The following TNFRSF11A variants were observed in gnomAD, a reference collection of about 807,000 sequenced individuals.
The protein encoded by TNFRSF11A is tumor necrosis factor receptor superfamily member 11A.
Under a neutral mutation model 55.7 loss-of-function variants are expected in TNFRSF11A, and 32 were observed. The ratio of observed to expected loss-of-function variants is 0.57; its 90% CI spans 0.43 to 0.77. The LOEUF (loss-of-function observed/expected upper bound fraction) is 0.77. Among genes scored for constraint, TNFRSF11A ranks in the 30% least tolerant of loss-of-function variants. The pLI is 0.00. For missense variants in TNFRSF11A, 753 were observed against 809.8 expected, an observed-to-expected ratio of 0.93 and a Z score of 0.85; for synonymous variants, 311 against 331.0, an observed-to-expected ratio of 0.94 and a Z score of 0.65.
intron 1 of TNFRSF11A, among the ~76,000 whole-genome samples, chr18:62,334,824 T>C (rs2046206064): frequency 6.6e-6 from 1 of 152,152 alleles, no homozygotes; most frequent in South Asian, 2.1e-4. Context: ...AAGCTTTTAC[T>C]TGGAGTGAGA....
chr18:62,358,411 G>C (rs1909432466), intron 5 of TNFRSF11A, 70 bp downstream of exon 5: 1 of 1,458,780 alleles, frequency 6.9e-7, no homozygotes, highest in South Asian at 1.1e-5. Flanking sequence ...TGTCTCGTCT[G>C]GGTTGAAAAC....
rs1164730525 is a variant in TNFRSF11A, at chr18:62,369,222, A to T, written c.1305A>T (p.Ala435=). Residue 435 remains alanine (A), a synonymous_variant, in exon 9 of 10, where the codon GCA becomes GCT. Transcript: ENST00000586569. ...ACAGTGGCCATTGCCCGCACTGGGC[A>T]GCCAGCCCCAGCCCCAACTGGGCAG... is the stretch of plus-strand genomic sequence containing the variant. The part of the protein sequence containing the change: ...EVDSGHCPHW[A]ASPSPNWADV... 1.2e-6 allele frequency: 2 copies of T among 1,613,790 alleles called. No individual in the cohort carries two copies. The highest frequency in any genetic ancestry group is 4.5e-5 in the East Asian group (2 of 44,890).
chr18:62,332,688 G>T (rs1036628874), intron 1 of TNFRSF11A, among the ~76,000 whole-genome samples: 4 of 151,898 alleles, frequency 2.6e-5, no homozygotes, highest in African/African-American at 9.7e-5. Context: ...CCTTCCCCAG[G>T]GTTATTCATT....
chr18:62,346,610 T>A (rs1479078672), intron 1 of TNFRSF11A, among the ~76,000 whole-genome samples: 3 of 152,142 alleles, frequency 2.0e-5, no homozygotes, highest in Non-Finnish European at 4.4e-5. Flanking sequence ...ATCACCTCAA[T>A]AACACACTGG....
intron 4 of TNFRSF11A, 127 bp from the exon 5 acceptor site, chr18:62,358,121 G>A (rs1909405807): frequency 1.2e-6 from 1 of 844,232 alleles, no homozygotes. Flanking sequence ...AGGGGTGGGA[G>A]GTGAGGGCAG....
intron 1 of TNFRSF11A, among the ~76,000 whole-genome samples, chr18:62,334,360 C>T (rs1223057190): frequency 6.6e-6 from 1 of 152,112 alleles, no homozygotes; most frequent in Non-Finnish European, 1.5e-5. Context: ...GCCCCACACC[C>T]CAGAGTTAGA....
intron 6 of TNFRSF11A, among the ~76,000 whole-genome samples, chr18:62,361,217 G>T (rs1284574174): frequency 1.3e-5 from 2 of 152,156 alleles, no homozygotes; most frequent in Non-Finnish European, 2.9e-5. Flanking sequence ...TGGTGTCGGG[G>T]ATGAAAACTA....
chr18:62,365,676 C>CT (rs1402309806), intron 7 of TNFRSF11A, among the ~76,000 whole-genome samples: 1 of 152,244 alleles, frequency 6.6e-6, no homozygotes, highest in Non-Finnish European at 1.5e-5. Context: ...AGCAGCACCT[C>CT]TGACAGCCCC....
chr18:62,332,884 G>A (rs369683678), intron 1 of TNFRSF11A, among the ~76,000 whole-genome samples: 2 of 152,216 alleles, frequency 1.3e-5, no homozygotes, highest in African/African-American at 4.8e-5. Flanking sequence ...TGATGGGGAA[G>A]GTCGGATGTC....
At position 62,389,099 on chromosome 18, in the gene TNFRSF11A, CTG is replaced by C. The variant is rs1369563925; in HGVS notation, c.*4067_*4068del. On this transcript the variant is annotated 3_prime_UTR_variant, in exon 10 of 10. Coordinates refer to ENST00000586569, the MANE Select transcript of TNFRSF11A (RefSeq NM_003839.4). ...CAAAGCATTCAAAGCCCTAAACACT[CTG>C]TTGGTGAATCATCATGTTTATTGAG... 6.6e-6 allele frequency: 1 copy of C among 152,308 alleles called. No homozygotes were observed. The highest frequency in any genetic ancestry group is 1.5e-5 in the Non-Finnish European group (1 of 68,118). The allele number at this position is 152,308 out of a possible 1,614,324, so 9.4% of individuals were successfully genotyped here. A position where few individuals can be genotyped will look rare whatever the true frequency, so the allele number is the denominator to read the frequency against.
In TNFRSF11A at chr18:62,385,117, C is replaced by A; in HGVS notation, c.*83C>A. 7.4e-7 allele frequency: 1 copy of A among 1,354,102 alleles called. No individual in the cohort carries two copies. Among genetic ancestry groups the A allele is most frequent in the South Asian group, 1.7e-5 (1 of 59,284 alleles). The allele number at this position is 1,354,102 out of a possible 1,614,324, so 83.9% of individuals were successfully genotyped here. Reference sequence around the variant, plus strand: ...GCAGCCTCTGCCCCAGCCCCGGCCACCCAGGGATCGATCGGTACAGTCGAG... The same window carrying A: ...GCAGCCTCTGCCCCAGCCCCGGCCAACCAGGGATCGATCGGTACAGTCGAG... On this transcript the variant is annotated 3_prime_UTR_variant, in exon 10 of 10. Coordinates refer to ENST00000586569, the MANE Select transcript of TNFRSF11A (RefSeq NM_003839.4).
At chr18:62,344,799 A>C (rs1413685641) in intron 1 of TNFRSF11A, among the ~76,000 whole-genome samples, 2 of 152,210 alleles carry the variant, frequency 1.3e-5, no homozygotes, top group East Asian at 3.8e-4. Context: ...GAGAGGTCAG[A>C]CTGGGAGGGG....
intron 1 of TNFRSF11A, among the ~76,000 whole-genome samples, chr18:62,338,957 CT>C (rs1352718013): frequency 6.6e-6 from 1 of 152,158 alleles, no homozygotes; most frequent in East Asian, 1.9e-4. Flanking sequence ...TCCTGGCCTC[CT>C]GCAGATTTTG....
intron 9 of TNFRSF11A, among the ~76,000 whole-genome samples, chr18:62,379,266 C>T (rs1373090250): frequency 6.6e-6 from 1 of 152,170 alleles, no homozygotes; most frequent in Non-Finnish European, 1.5e-5. Context: ...GATTAACCCA[C>T]ACCCGCCCAG....
intron 9 of TNFRSF11A, among the ~76,000 whole-genome samples, chr18:62,384,187 A>G (rs1019629997): frequency 3.9e-5 from 6 of 151,928 alleles, no homozygotes; most frequent in African/African-American, 1.5e-4. Flanking sequence ...CTCACAAGCA[A>G]ATGGTAAAGC....
chr18:62,377,161 C>T (rs1445892936), intron 9 of TNFRSF11A, among the ~76,000 whole-genome samples: 1 of 152,150 alleles, frequency 6.6e-6, no homozygotes, highest in Non-Finnish European at 1.5e-5. Context: ...GAGAGTCGCC[C>T]GCCTCGGCCT....
chr18:62,369,294 C>T lies in TNFRSF11A; in HGVS notation c.1377C>T (p.Pro459=). 2 of 1,611,676 alleles carry T rather than the reference C, an allele frequency of 1.2e-6. No individual in the cohort carries two copies. Among genetic ancestry groups the T allele is most frequent in the African/African-American group, 1.3e-5 (1 of 75,014 alleles). The part of the protein sequence containing the change: ...CRNPPGEDCE[P]LVGSPKRGPL... ...ACCCTCCTGGGGAGGACTGTGAACCCCTCGTGGGTTCCCCAAAACGTGGAC... is the reference window on the plus strand; with the variant it reads ...ACCCTCCTGGGGAGGACTGTGAACCTCTCGTGGGTTCCCCAAAACGTGGAC... The change falls in exon 9 of 10, where the codon CCC becomes CCT. Residue 459 remains proline (P), a synonymous_variant. Transcript: ENST00000586569.
At position 62,325,506 on chromosome 18, in the gene TNFRSF11A, A is replaced by G; in HGVS notation, c.75+79A>G. On this transcript the variant is annotated intron_variant, in intron 1 of 9. Coordinates refer to ENST00000586569, the MANE Select transcript of TNFRSF11A (RefSeq NM_003839.4). This position sits in a 1 kb window ranked among gnomAD's most constrained non-coding sequence, Gnocchi z 4.7. ...CCCGGGAAGGGCCGGGGCCGGCGGCATCCTGGCTCCTCCGCCTTCCGAGAG... is the reference window on the plus strand; with the variant it reads ...CCCGGGAAGGGCCGGGGCCGGCGGCGTCCTGGCTCCTCCGCCTTCCGAGAG... 1.0e-6 allele frequency: 1 copy of G among 972,012 alleles called. No individual in the cohort carries two copies. Among genetic ancestry groups the G allele is most frequent in the South Asian group, 2.7e-5 (1 of 36,684 alleles). 60.2% of individuals were successfully genotyped at this position (972,012 alleles called of 1,614,324 possible).
At chr18:62,351,002 C>CTTTTT (rs71160826) in intron 3 of TNFRSF11A, among the ~76,000 whole-genome samples, 4 of 122,692 alleles carry the variant, frequency 3.3e-5, no homozygotes, top group Admixed American at 8.5e-5. Context: ...TTTTTTCTTT[C>CTTTTT]TTTTTTTTTT....
Sources: allele counts gnomAD v4.1 joint callset (sites outside exome capture counted in the v4.1 genomes callset), GRCh38; gene constraint gnomAD v4.1.1; non-coding constraint Gnocchi (gnomAD v3.1); transcripts MANE v1.5; gene names NCBI Gene and HGNC (gene_info 2026-07-23, HGNC 2026-07-21).